Variants in SSC4D observed in about 807,000 individuals in gnomAD.
SSC4D encodes the protein scavenger receptor cysteine rich family member with 4 domains.
SSC4D carries 57 observed loss-of-function variants against 63.4 expected under a neutral mutation model. The observed-to-expected ratio is 0.90, with a 90% CI of 0.73 to 1.12. SSC4D has a LOEUF of 1.12. Among genes scored for constraint, SSC4D ranks in the 50% most tolerant of loss-of-function variants. SSC4D has a pLI of 0.00. For synonymous variants in SSC4D, 352 were observed against 345.4 expected, an observed-to-expected ratio of 1.02 and a Z score of -0.21; for missense variants, 791 against 806.4, an observed-to-expected ratio of 0.98 and a Z score of 0.23.
chr7:76,396,409 A>G (rs1216187640), intron 6 of SSC4D, among the ~76,000 whole-genome samples: 1 of 152,244 alleles, frequency 6.6e-6, no homozygotes, highest in Non-Finnish European at 1.5e-5. Context: ...ATTTGCATAT[A>G]CTTGAAAGTA....
rs1805176787 is a variant in SSC4D at position 76,409,544 on chromosome 7, CTT to C, written c.-199_-198del. ...ATGGAAATCAACACAGGCGTTTCTT[CTT>C]TTCTTTCCACAGCTGGAAGGTGAGC... On this transcript the variant is annotated 5_prime_UTR_variant, in exon 1 of 11. An upstream open reading frame in the 5' UTR loses its in-frame stop. Transcript: ENST00000275560. 6.6e-6 allele frequency: 1 copy of C among 152,304 alleles called. No individual in the cohort carries two copies. Among genetic ancestry groups the C allele is most frequent in the African/African-American group, 2.4e-5 (1 of 41,446 alleles). The allele number at this position is 152,304 out of a possible 1,614,324, so 9.4% of individuals were successfully genotyped here. A position where few individuals can be genotyped will look rare whatever the true frequency, so the allele number is the denominator to read the frequency against.
At position 76,390,097 on chromosome 7, in the gene SSC4D, G is replaced by A. The variant is rs1167406057; in HGVS notation, c.1690C>T (p.His564Tyr). 6.2e-7 allele frequency: 1 copy of A among 1,614,088 alleles called. No individual in the cohort carries two copies. The highest frequency in any genetic ancestry group is 1.3e-5 in the African/African-American group (1 of 74,930). ...HIRWDAHNCDHSEDASVLCQP... is the reference protein window; with the variant it reads ...HIRWDAHNCDYSEDASVLCQP... ...CACAGGACACTGGCATCCTCGCTGT[G>A]GTCACAGTTGTGGGCATCCCAGCGG... Residue 564 changes from histidine to tyrosine, a missense_variant, in exon 11 of 11, where the codon CAC becomes TAC. His to Tyr is a moderately conservative substitution (Grantham distance 83, BLOSUM62 2). Transcript: ENST00000275560.
intron 9 of SSC4D, among the ~76,000 whole-genome samples, chr7:76,392,755 T>TGCAGCCCAG (rs1339244674): frequency 6.6e-6 from 1 of 151,428 alleles, no homozygotes; most frequent in Non-Finnish European, 1.5e-5. Context: ...ATCGTGCCAC[T>TGCAGCCCAG]GCAGCCCAGT....
At position 76,400,524 on chromosome 7, in the gene SSC4D, C is replaced by A; in HGVS notation, c.237G>T (p.Trp79Cys). The change falls in exon 4 of 11, where the codon TGG (tryptophan) becomes TGT (cysteine). Residue 79 changes from tryptophan (W) to cysteine (C), a missense_variant. Trp to Cys is a radical substitution (Grantham distance 215). Coordinates refer to ENST00000275560, the MANE Select transcript of SSC4D (RefSeq NM_080744.2). ...CCCAGTCGTCATCACAGACGCTGCC[C>A]CAGGAGCCACCGTGCATGACTTCCA... Reference protein sequence around the residue: ...GRLEVMHGGSWGSVCDDDWDV... With the variant: ...GRLEVMHGGSCGSVCDDDWDV... 6.3e-7 allele frequency: 1 copy of A among 1,575,276 alleles called. No homozygotes were observed. Among genetic ancestry groups the A allele is most frequent in the Non-Finnish European group, 8.6e-7 (1 of 1,159,440 alleles).
chr7:76,397,914 A>G, intron 5 of SSC4D, 82 bp from the exon 6 acceptor site: 1 of 1,374,138 alleles, frequency 7.3e-7, no homozygotes, highest in Non-Finnish European at 9.7e-7. Flanking sequence ...CCGGTGTCCC[A>G]GGATCTACAA....
Position 76,405,289 on chromosome 7 carries a change from A to G in SSC4D, c.-66-784T>C, listed in dbSNP as rs1239053714. 4.0e-3 allele frequency among the ~76,000 whole-genome samples: 156 copies of G among 38,570 alleles called. 5 individuals carry two copies. The highest frequency in any genetic ancestry group is 0.021 in the African/African-American group (150 of 7,238). 25.3% of individuals were successfully genotyped at this position (38,570 alleles called of 152,430 possible). On this transcript the variant is annotated intron_variant, in intron 1 of 10. Transcript: ENST00000275560. The stretch of plus-strand genomic sequence containing the variant: ...CAGCTAATTATATATATATATATAT[A>G]TATATATATATATATATATATATAT...
At chr7:76,397,957 G>T in intron 5 of SSC4D, 125 bp from the exon 6 acceptor site, 1 of 1,004,710 alleles carries the variant, frequency 1.0e-6, no homozygotes, top group Non-Finnish European at 1.4e-6. Flanking sequence ...GCTGCCCAGG[G>T]TACCGCCTCC....
chr7:76,393,202 A>C (rs576507688), intron 9 of SSC4D, among the ~76,000 whole-genome samples: 1 of 151,392 alleles, frequency 6.6e-6, no homozygotes, highest in Non-Finnish European at 1.5e-5. Flanking sequence ...CCCATTTTCC[A>C]CTGCAGAAGG....
intron 4 of SSC4D, 85 bp from the exon 5 acceptor site, chr7:76,398,882 C>T: frequency 7.1e-7 from 1 of 1,399,454 alleles, no homozygotes; most frequent in South Asian, 1.2e-5. Flanking sequence ...GAGGATGGAC[C>T]CATAAGGTGC....
chr7:76,404,183 G>A, intron 2 of SSC4D, 124 bp downstream of exon 2: 1 of 1,347,360 alleles, frequency 7.4e-7, no homozygotes, highest in Non-Finnish European at 9.9e-7. Context: ...CTGGGCAAAG[G>A]TCAGCATTGG....
chr7:76,408,048 C>T (rs1444932378), intron 1 of SSC4D, among the ~76,000 whole-genome samples: 1 of 152,168 alleles, frequency 6.6e-6, no homozygotes, highest in Non-Finnish European at 1.5e-5. Context: ...CTAGGAGCAT[C>T]CATTTGGCTC....
chr7:76,401,036 G>T lies in SSC4D; in HGVS notation c.141C>A (p.Ala47=). Residue 47 remains alanine, a synonymous_variant, in exon 3 of 11, where the codon GCC becomes GCA. Transcript: ENST00000275560. ...GAAAGGGCAGTGGAGTGGGCTGTAG[G>T]GCGCTGGCTGAAACAGAGTGAGGAA... ...SFLLLLPLAS[A]LQPTPLPFQE... The T allele has an allele frequency of 6.5e-7, 1 of 1,548,594 alleles. No individual in the cohort carries two copies. The highest frequency in any genetic ancestry group is 8.7e-7 in the Non-Finnish European group (1 of 1,145,418).
Position 76,404,410 on chromosome 7 carries a change from A to G in SSC4D, c.30T>C (p.Gly10=). 1 of 1,614,088 alleles carries G rather than the reference A, an allele frequency of 6.2e-7. No individual in the cohort carries two copies. Among genetic ancestry groups the G allele is most frequent in the South Asian group, 1.1e-5 (1 of 91,078 alleles). The change falls in exon 2 of 11, where the codon GGT becomes GGC. Residue 10 remains glycine (G), a synonymous_variant. Transcript: ENST00000275560. ...CCCAGCGCTTCTCATCCAGCTGGGG[A>G]CCAATTAGCATCTCTGCTTCCTTGT... is the stretch of plus-strand genomic sequence containing the variant. MHKEAEMLI[G]PQLDEKRWGW...
In SSC4D at chr7:76,390,372, T is replaced by C. The variant is rs544467100; in HGVS notation, c.1415A>G (p.His472Arg). 1.9e-6 allele frequency: 3 copies of C among 1,580,492 alleles called. No homozygotes were observed. The highest frequency in any genetic ancestry group is 1.2e-5 in the South Asian group (1 of 85,954). ...GTGGGCTCCATTGACCAGACGTAGA[T>C]GCCCTGTGGGGGGACAGGGCTGGGT... is the stretch of plus-strand genomic sequence containing the variant. ...RVPTPRPRDG[H>R]LRLVNGAHRC... Residue 472 changes from histidine (H) to arginine (R), a missense_variant, in exon 11 of 11, where the codon CAT (histidine) becomes CGT (arginine). Coordinates refer to ENST00000275560, the MANE Select transcript of SSC4D (RefSeq NM_080744.2).
chr7:76,400,693 A>G (rs1294499004), intron 3 of SSC4D, 102 bp from the exon 4 acceptor site: 1 of 1,274,816 alleles, frequency 7.8e-7, no homozygotes, highest in Non-Finnish European at 1.0e-6. Flanking sequence ...TTTTTGGTAG[A>G]GACGGGGTCT....
chr7:76,402,761 C>A (rs1320320533), intron 2 of SSC4D, among the ~76,000 whole-genome samples: 1 of 152,174 alleles, frequency 6.6e-6, no homozygotes, highest in African/African-American at 2.4e-5. Flanking sequence ...CCTCCCCCTC[C>A]TGGGTTCAAG....
At chr7:76,393,926 G>A (rs1279222901) in intron 7 of SSC4D, 22 bp from the exon 8 acceptor site, 3 of 1,582,870 alleles carry the variant, frequency 1.9e-6, no homozygotes, top group Non-Finnish European at 2.6e-6. Context: ...GGGCATCTAG[G>A]GCGTTCGAAG....
chr7:76,400,443 G>A lies in SSC4D; in HGVS notation c.318C>T (p.Pro106=), dbSNP rs73361550. ...CRQLGCGLAL[P]VPRPLAFGQG... ...GGCCAAAGGCAAGGGGCCGTGGCAC[G>A]GGCAGTGCCAGGCCACAGCCCAGCT... The change falls in exon 4 of 11, where the codon CCC becomes CCT. Residue 106 remains proline (P), a synonymous_variant. Coordinates refer to ENST00000275560, the MANE Select transcript of SSC4D (RefSeq NM_080744.2). The A allele has an allele frequency of 0.025, 39,752 of 1,607,316 alleles. 1,718 individuals are homozygous for A. The highest frequency in any genetic ancestry group is 0.14 in the East Asian group (6,381 of 44,472).
chr7:76,404,170 A>G (rs1804923402), intron 2 of SSC4D, 137 bp downstream of exon 2: 1 of 1,293,920 alleles, frequency 7.7e-7, no homozygotes, highest in South Asian at 1.7e-5. Context: ...TCTTTTGTCA[A>G]CTCTGGGCAA....
Sources: allele counts gnomAD v4.1 joint callset (sites outside exome capture counted in the v4.1 genomes callset), GRCh38; gene constraint gnomAD v4.1.1; transcripts MANE v1.5; gene names NCBI Gene and HGNC (gene_info 2026-07-23, HGNC 2026-07-21).